The following ZFHX3 variants were observed in gnomAD, a reference collection of about 807,000 sequenced individuals.
ZFHX3 encodes the protein zinc finger homeobox protein 3.
Under a neutral mutation model 279.1 loss-of-function variants are expected in ZFHX3, and 42 were observed. The observed-to-expected ratio is 0.15, with a 90% CI of 0.12 to 0.19. ZFHX3 has a LOEUF of 0.19. Among genes scored for constraint, ZFHX3 ranks in the 10% least tolerant of loss-of-function variants. The probability of loss-of-function intolerance (pLI) is 1.00; values close to 1 mark genes in which losing one functional copy is unlikely to be tolerated. For missense variants in ZFHX3, 4,981 were observed against 4,754.0 expected (o/e 1.05, Z -1.40); for synonymous variants, 2,293 against 1,957.8 (o/e 1.17, Z -4.52).
At chr16:73,804,493 G>A (rs72803161) in intron 1 of ZFHX3, among the ~76,000 whole-genome samples, 1,541 of 152,266 alleles carry the variant, frequency 0.01, 33 homozygotes, top group Non-Finnish European at 0.012. Context: ...ATTAAATGCA[G>A]TTGAAAGAGG....
chr16:73,734,035 C>T (rs2053589806), intron 1 of ZFHX3, among the ~76,000 whole-genome samples: 1 of 152,120 alleles, frequency 6.6e-6, no homozygotes, highest in Non-Finnish European at 1.5e-5. Flanking sequence ...CACCTCAGAT[C>T]ATCAGGCATT....
At position 72,960,121 on chromosome 16, in the gene ZFHX3, C is replaced by T. The variant is rs200637584; in HGVS notation, c.25G>A (p.Val9Ile). The change falls in exon 2 of 10, where the codon GTC (valine) becomes ATC (isoleucine). Residue 9 changes from valine (V) to isoleucine (I), a missense_variant. Around this residue, in one of 7 missense-constraint regions of ZFHX3, gnomAD observed 1,068 missense variants for 935.2 expected, o/e 1.14. Transcript: ENST00000268489. MEGCDSPV[V>I]SGKDNGCGIP... ...CCGCACCCATTGTCCTTCCCCGAGA[C>T]GACGGGCGAGTCACAGCCTTCCATG... 17 of 1,588,592 alleles carry T rather than the reference C, an allele frequency of 1.1e-5. No homozygotes were observed. Among genetic ancestry groups the T allele is most frequent in the Admixed American group, 3.5e-5 (2 of 57,452 alleles).
intron 1 of ZFHX3, among the ~76,000 whole-genome samples, chr16:73,729,344 T>C (rs1447557639): frequency 1.3e-5 from 2 of 152,190 alleles, no homozygotes; most frequent in Non-Finnish European, 2.9e-5. Flanking sequence ...CTGGTCAACA[T>C]GGTGAAACCC....
At chr16:72,934,284 C>T (rs564708012) in intron 3 of ZFHX3, among the ~76,000 whole-genome samples, 69 of 152,098 alleles carry the variant, frequency 4.5e-4, no homozygotes, top group African/African-American at 1.4e-3. Flanking sequence ...AAAAGTTAGC[C>T]GGGCCTGGTG....
At chr16:73,238,399 C>A (rs965060166) in intron 5 of ZFHX3, among the ~76,000 whole-genome samples, 2 of 152,088 alleles carry the variant, frequency 1.3e-5, no homozygotes, top group African/African-American at 4.8e-5. Context: ...TTCAGGGCAC[C>A]CCAAATCATC....
chr16:73,443,184 A>G (rs1027754164), intron 3 of ZFHX3, among the ~76,000 whole-genome samples: 6 of 152,214 alleles, frequency 3.9e-5, no homozygotes, highest in Admixed American at 1.3e-4. Flanking sequence ...CTTTCTTTAT[A>G]TGACAATAAC....
chr16:73,328,502 T>C (rs1336137135), intron 3 of ZFHX3, among the ~76,000 whole-genome samples: 1 of 152,194 alleles, frequency 6.6e-6, no homozygotes, highest in African/African-American at 2.4e-5. Flanking sequence ...GCACGTTTAA[T>C]TCTTATCCCT....
At chr16:73,567,399 C>T (rs1162075233) in intron 2 of ZFHX3, among the ~76,000 whole-genome samples, 3 of 152,218 alleles carry the variant, frequency 2.0e-5, no homozygotes, top group Admixed American at 2.0e-4. Flanking sequence ...TTCCTCTGAA[C>T]TTATAGAAGA....
chr16:73,330,580 C>A (rs1027200835), intron 3 of ZFHX3, among the ~76,000 whole-genome samples: 2 of 152,082 alleles, frequency 1.3e-5, no homozygotes, highest in African/African-American at 4.8e-5. Context: ...ACACAGATGG[C>A]CTGGCTGAAC....
At chr16:73,570,210 G>C (rs2051719433) in intron 2 of ZFHX3, among the ~76,000 whole-genome samples, 1 of 152,144 alleles carries the variant, frequency 6.6e-6, no homozygotes, top group South Asian at 2.1e-4. Context: ...CCCAAAAAAA[G>C]TTAACATATT....
intron 1 of ZFHX3, among the ~76,000 whole-genome samples, chr16:73,863,885 C>T (rs1041501548): frequency 6.6e-6 from 1 of 152,116 alleles, no homozygotes; most frequent in Admixed American, 6.5e-5. Flanking sequence ...CTGAATTCTG[C>T]TTAATATGCA....
chr16:72,877,880 G>T (rs1377879732), intron 4 of ZFHX3, among the ~76,000 whole-genome samples: 1 of 152,226 alleles, frequency 6.6e-6, no homozygotes, highest in African/African-American at 2.4e-5. Flanking sequence ...GCCACGGGTT[G>T]AGTGGTGAAG....
chr16:72,978,343 C>G (rs1190154149), intron 1 of ZFHX3, among the ~76,000 whole-genome samples: 3 of 152,196 alleles, frequency 2.0e-5, no homozygotes, highest in African/African-American at 7.2e-5. Flanking sequence ...ACTGACACAG[C>G]TGGAAGCAGC....
chr16:73,663,166 G>A (rs1597054094), intron 2 of ZFHX3, among the ~76,000 whole-genome samples: 1 of 152,220 alleles, frequency 6.6e-6, no homozygotes, highest in Non-Finnish European at 1.5e-5. Context: ...TGAGAAAACT[G>A]TTTGCATTTC....
chr16:73,043,844 T>G (rs908252337), intron 1 of ZFHX3, among the ~76,000 whole-genome samples: 1 of 152,260 alleles, frequency 6.6e-6, no homozygotes, highest in Non-Finnish European at 1.5e-5. Flanking sequence ...GAGATCAATC[T>G]GGCAGTCAAC....
rs978485264 is a variant in ZFHX3, at chr16:73,355,923, G to T, written c.-1290-37587C>A. Among the ~76,000 whole-genome samples the T allele has an allele frequency of 3.3e-5, 5 of 152,158 alleles. No individual in the cohort carries two copies. The East Asian group carries it at 9.6e-4, about 29-fold the overall frequency. On this transcript the variant is annotated intron_variant, in intron 3 of 17. Coordinates refer to the ZFHX3 transcript ENST00000641206. ...TCAGGGTCACACAGCTCATTACTGA[G>T]AGAGTTGAGCCTGGAGCCATTGTCC...
At chr16:72,911,697 G>T (rs1423281565) in intron 3 of ZFHX3, among the ~76,000 whole-genome samples, 1 of 152,118 alleles carries the variant, frequency 6.6e-6, no homozygotes, top group Non-Finnish European at 1.5e-5. Flanking sequence ...TCAATCCCTC[G>T]GTGACACTAG....
chr16:73,349,629 CCTCCCTCCCTCCCTCCCTCT>C (rs1357881849), intron 3 of ZFHX3, among the ~76,000 whole-genome samples: 755 of 50,498 alleles, frequency 0.015, 27 homozygotes, highest in African/African-American at 0.043. Context: ...TCCCTTCCTC[CCTCCCTCCCTCCCTCCCTCT>C]CTCCCTCCTT....
rs181404030 is a variant in ZFHX3, at chr16:73,416,044, C to T, written c.-1291+39959G>A. On this transcript the variant is annotated intron_variant, in intron 3 of 17. Transcript: ENST00000641206. ...CTGGGGCAGGAGAATCGCTTGAACC[C>T]GGGAGGTGGAGGTTGTGCTGAGCCG... Among the ~76,000 whole-genome samples the T allele has an allele frequency of 7.1e-3, 1,045 of 146,802 alleles. 5 individuals are homozygous for T. The highest frequency in any genetic ancestry group is 0.011 in the Non-Finnish European group (718 of 67,218).
Sources: gnomAD v4.1 joint callset for allele counts (sites outside exome capture counted in the v4.1 genomes callset) on GRCh38, gnomAD v4.1.1 for gene constraint, gnomAD v4.1.1 regional missense constraint, MANE v1.5 for transcripts, NCBI Gene and HGNC (gene_info 2026-07-23, HGNC 2026-07-21) for gene names.